NRXN3: variants seen among roughly 807,000 people sequenced by gnomAD.
NRXN3 encodes the protein neurexin 3.
NRXN3 carries 32 observed loss-of-function variants against 137.6 expected under a neutral mutation model. The ratio of observed to expected loss-of-function variants is 0.23; its 90% CI spans 0.18 to 0.31. The LOEUF (loss-of-function observed/expected upper bound fraction) is 0.31. Ranked by LOEUF, NRXN3 falls within the 10% of genes least tolerant of loss-of-function variation. The pLI, the probability that NRXN3 is intolerant of heterozygous loss-of-function variation, is 1.00. For synonymous variants in NRXN3, 798 were observed against 784.5 expected (o/e 1.02, Z -0.29); for missense variants, 1,574 against 2,062.5 (o/e 0.76, Z 4.59).
intron 19 of NRXN3, among the ~76,000 whole-genome samples, chr14:79,791,611 C>T (rs1365371580): frequency 6.6e-6 from 1 of 150,748 alleles, no homozygotes; most frequent in African/African-American, 2.4e-5. Flanking sequence ...TTGACAATAT[C>T]TGAGTCAGCT....
rs550766278 is a variant in NRXN3 at position 78,208,445 on chromosome 14, C to A, written c.-703-33946C>A. Among the ~76,000 whole-genome samples the A allele has an allele frequency of 2.0e-3, 308 of 152,264 alleles. 2 individuals carry two copies. Among genetic ancestry groups the A allele is most frequent in the African/African-American group, 6.7e-3 (278 of 41,558 alleles). On this transcript the variant is annotated intron_variant, in intron 1 of 20. Coordinates refer to ENST00000335750, the MANE Select transcript of NRXN3 (RefSeq NM_001330195.2). ...CCTGGATTCTTCTTCTTCACTCTTC[C>A]TTCCCACCTCTCCTCCCCCTTATAA...
intron 15 of NRXN3, among the ~76,000 whole-genome samples, chr14:79,104,622 T>C (rs2052021767): frequency 1.3e-5 from 2 of 152,194 alleles, no homozygotes; most frequent in African/African-American, 4.8e-5. Flanking sequence ...AATTATCTCA[T>C]TAATTGATAC....
At chr14:79,210,294 G>T (rs1200687242) in intron 15 of NRXN3, among the ~76,000 whole-genome samples, 1 of 152,160 alleles carries the variant, frequency 6.6e-6, no homozygotes, top group African/African-American at 2.4e-5. Context: ...TTAACTGGGA[G>T]AATATGCTTG....
Position 79,551,265 on chromosome 14 carries a change from C to G in NRXN3, c.3444+83863C>G, listed in dbSNP as rs75109214. Among the ~76,000 whole-genome samples, 995 of 152,258 alleles carry G rather than the reference C, an allele frequency of 6.5e-3. 8 individuals carry two copies. The highest frequency in any genetic ancestry group is 0.023 in the African/African-American group (967 of 41,542). ...TTCTTTCTCTTTTCCTGGCCCATAACTTTCTGCTCAGAACTGGAAACATCT... is the reference window on the plus strand; with the variant it reads ...TTCTTTCTCTTTTCCTGGCCCATAAGTTTCTGCTCAGAACTGGAAACATCT... On this transcript the variant is annotated intron_variant, in intron 16 of 20. Transcript: ENST00000335750.
intron 4 of NRXN3, among the ~76,000 whole-genome samples, chr14:78,604,529 TTTTTAA>T (rs1279564313): frequency 6.6e-6 from 1 of 152,212 alleles, no homozygotes; most frequent in Non-Finnish European, 1.5e-5. Context: ...AGCAAAATCC[TTTTTAA>T]CATTTCTGAG....
At chr14:78,497,781 T>G (rs2095812738) in intron 4 of NRXN3, among the ~76,000 whole-genome samples, 1 of 152,218 alleles carries the variant, frequency 6.6e-6, no homozygotes, top group South Asian at 2.1e-4. Flanking sequence ...TTCTGCCCAT[T>G]ACTTTAGCTA....
At chr14:79,025,905 T>G (rs1434531844) in intron 15 of NRXN3, among the ~76,000 whole-genome samples, 1 of 152,146 alleles carries the variant, frequency 6.6e-6, no homozygotes, top group East Asian at 1.9e-4. Flanking sequence ...TTCATCATCC[T>G]TGATGTATAT....
chr14:78,478,843 A>C (rs1286334432), intron 4 of NRXN3, among the ~76,000 whole-genome samples: 1 of 152,314 alleles, frequency 6.6e-6, no homozygotes, highest in Non-Finnish European at 1.5e-5. Flanking sequence ...AGCATTTTAG[A>C]AACTCAGCCT....
rs896240680 is a variant in NRXN3 at position 79,764,624 on chromosome 14, AT to A, written c.4015-40478del. 1.2e-4 allele frequency among the ~76,000 whole-genome samples: 17 copies of A among 147,736 alleles called. No homozygotes were observed. In the East Asian group the frequency reaches 1.2e-3, roughly 10 times the overall value. Reference sequence around the variant, plus strand: ...CTTTTCTTCTAGACTCTATTCCTTCATTTTTTTTTTCTGAACTTTAAGCAAG... The same window carrying A: ...CTTTTCTTCTAGACTCTATTCCTTCATTTTTTTTTCTGAACTTTAAGCAAG... On this transcript the variant is annotated intron_variant, in intron 19 of 20. Coordinates refer to ENST00000335750, the MANE Select transcript of NRXN3 (RefSeq NM_001330195.2).
At chr14:79,337,326 AAT>A (rs2092329219) in intron 15 of NRXN3, among the ~76,000 whole-genome samples, 1 of 152,192 alleles carries the variant, frequency 6.6e-6, no homozygotes, top group Admixed American at 6.5e-5. Flanking sequence ...CTCAATGTTT[AAT>A]GTCTTCATCT....
intron 10 of NRXN3, among the ~76,000 whole-genome samples, chr14:78,954,681 A>G (rs8007109): frequency 0.22 from 32,835 of 149,844 alleles, 4,618 homozygotes; most frequent in East Asian, 0.46. Flanking sequence ...TAGCCAGGAT[A>G]GTCTCGATCT....
At chr14:79,655,759 A>G (rs2098502548) in intron 16 of NRXN3, among the ~76,000 whole-genome samples, 1 of 152,094 alleles carries the variant, frequency 6.6e-6, no homozygotes, top group Non-Finnish European at 1.5e-5. Flanking sequence ...GAAGCACTCC[A>G]CTTCAGTTGT....
chr14:79,635,722 T>G (rs986617646), intron 16 of NRXN3, among the ~76,000 whole-genome samples: 7 of 152,182 alleles, frequency 4.6e-5, no homozygotes, highest in African/African-American at 1.7e-4. Flanking sequence ...CATGCTGCTT[T>G]GAAGAAATAC....
chr14:78,261,962 T>C (rs2070804904), intron 2 of NRXN3, among the ~76,000 whole-genome samples: 1 of 152,228 alleles, frequency 6.6e-6, no homozygotes, highest in South Asian at 2.1e-4. Flanking sequence ...GTGGATTTTT[T>C]TTATGGAAAA....
At chr14:79,440,186 A>G (rs1195002513) in intron 15 of NRXN3, among the ~76,000 whole-genome samples, 1 of 152,248 alleles carries the variant, frequency 6.6e-6, no homozygotes, top group African/African-American at 2.4e-5. Context: ...TCAAATTAAC[A>G]TGAGAAGGCA....
intron 18 of NRXN3, among the ~76,000 whole-genome samples, chr14:79,692,537 G>A (rs561710545): frequency 1.3e-5 from 2 of 151,938 alleles, no homozygotes; most frequent in African/African-American, 4.8e-5. Flanking sequence ...AAACAGAAAT[G>A]TATTATGGCA....
intron 4 of NRXN3, among the ~76,000 whole-genome samples, chr14:78,425,937 G>A (rs1598511547): frequency 6.6e-6 from 1 of 152,328 alleles, no homozygotes; most frequent in Non-Finnish European, 1.5e-5. Context: ...CACCACGTGA[G>A]TGGCCTGGGC....
At chr14:78,676,420 C>G (rs546899648) in intron 6 of NRXN3, among the ~76,000 whole-genome samples, 1 of 152,202 alleles carries the variant, frequency 6.6e-6, no homozygotes, top group South Asian at 2.1e-4. Context: ...AAGATCAAAC[C>G]AGCCACACAT....
Position 79,863,067 on chromosome 14 carries a change from C to T in NRXN3, c.*1103C>T, listed in dbSNP as rs1420430818. ...TATCAAACCAGACAGTAGGGGAGTT[C>T]AACTCGTGATGGAACCACAAAAGGT... On this transcript the variant is annotated 3_prime_UTR_variant, in exon 21 of 21. Coordinates refer to ENST00000335750, the MANE Select transcript of NRXN3 (RefSeq NM_001330195.2). The T allele has an allele frequency of 6.6e-6, 1 of 152,490 alleles. No individual in the cohort carries two copies. The highest frequency in any genetic ancestry group is 6.6e-5 in the Admixed American group (1 of 15,264). 9.4% of individuals were successfully genotyped at this position (152,490 alleles called of 1,614,324 possible). A position where few individuals can be genotyped will look rare whatever the true frequency, so the allele number is the denominator to read the frequency against.
Sources: allele counts gnomAD v4.1 joint callset (sites outside exome capture counted in the v4.1 genomes callset), GRCh38; gene constraint gnomAD v4.1.1; transcripts MANE v1.5; gene names NCBI Gene and HGNC (gene_info 2026-07-23, HGNC 2026-07-21).